PAM: variants seen among roughly 807,000 people sequenced by gnomAD.
The protein encoded by PAM is peptidylglycine alpha-amidating monooxygenase.
In PAM, 72 loss-of-function variants were observed where a neutral mutation model predicts 122.1. The ratio of observed to expected loss-of-function variants is 0.59; its 90% CI spans 0.49 to 0.72. The LOEUF is 0.72. Ranked by LOEUF, PAM falls within the 30% of genes least tolerant of loss-of-function variation. PAM has a pLI of 0.00. For missense variants in PAM, 1,106 were observed against 1,183.7 expected (o/e 0.93, Z 0.96); for synonymous variants, 389 against 404.4 (o/e 0.96, Z 0.46).
chr5:103,018,043 G>C (rs563928970), intron 22 of PAM, among the ~76,000 whole-genome samples: 91 of 152,194 alleles, frequency 6.0e-4, no homozygotes, highest in African/African-American at 2.1e-3. Context: ...TCTCTAAAAA[G>C]CAGACTAACT....
At position 102,866,180 on chromosome 5, in the gene PAM, T is replaced by TCGTATCGGCGTGGA; in HGVS notation, c.-14_-1dup. The TCGTATCGGCGTGGA allele has an allele frequency of 6.3e-7, 1 of 1,589,316 alleles. No individual in the cohort carries two copies. On this transcript the variant is annotated 5_prime_UTR_variant, in exon 2 of 26. Coordinates refer to ENST00000438793, the MANE Select transcript of PAM (RefSeq NM_001177306.2). ...GCTGCCCGGTCCTCTCCCGGCGGGG[T>TCGTATCGGCGTGGA]CGTATCGGCGTGGACATGGCTGGCC... is the stretch of plus-strand genomic sequence containing the variant.
intron 1 of PAM, among the ~76,000 whole-genome samples, chr5:102,800,678 G>A (rs1214622441): frequency 6.6e-6 from 1 of 152,060 alleles, no homozygotes; most frequent in Admixed American, 6.5e-5. Context: ...GGGAGGGAGG[G>A]GGCTACGCTG....
chr5:102,946,704 C>G lies in PAM; in HGVS notation c.527-133C>G, dbSNP rs111976210. ...CTGGATATGAAAGTACTTAGTAAAT[C>G]ATAAAGAACCATACAGATGAAACAT... On this transcript the variant is annotated intron_variant, in intron 7 of 25. Coordinates refer to ENST00000438793, the MANE Select transcript of PAM (RefSeq NM_001177306.2). 6.7e-4 allele frequency: 427 copies of G among 633,828 alleles called. 2 individuals carry two copies. The African/African-American group carries it at 6.9e-3, about 10-fold the overall frequency. 39.3% of individuals were successfully genotyped at this position (633,828 alleles called of 1,614,324 possible). A position where few individuals can be genotyped will look rare whatever the true frequency, so the allele number is the denominator to read the frequency against.
At chr5:102,762,663 C>A (rs1030030609) in intron 1 of PAM, among the ~76,000 whole-genome samples, 1 of 151,972 alleles carries the variant, frequency 6.6e-6, no homozygotes, top group African/African-American at 2.4e-5. Flanking sequence ...GGGAATAAAG[C>A]GGTAACAATG....
Position 103,025,285 on chromosome 5 carries a change from G to T in PAM, c.2640G>T (p.Leu880=). Residue 880 remains leucine, a synonymous_variant, in exon 24 of 26, where the codon CTG becomes CTT. Coordinates refer to ENST00000438793, the MANE Select transcript of PAM (RefSeq NM_001177306.2). ...TTCTGGTTATTCCGGTGGTTGTCCT[G>T]CTGGCCATTGCCATATTTATTCGGT... ...TTLLVIPVVV[L]LAIAIFIRWK... is the part of the protein sequence containing the mutation. The T allele has an allele frequency of 1.2e-6, 2 of 1,613,706 alleles. No individual in the cohort carries two copies. Among genetic ancestry groups the T allele is most frequent in the Non-Finnish European group, 1.7e-6 (2 of 1,179,720 alleles).
At chr5:102,786,148 G>A (rs1290644110) in intron 1 of PAM, among the ~76,000 whole-genome samples, 4 of 152,160 alleles carry the variant, frequency 2.6e-5, no homozygotes, top group African/African-American at 9.7e-5. Flanking sequence ...GAGGACACAA[G>A]CAAGAATACA....
chr5:102,845,920 A>T (rs1185276165), intron 1 of PAM, among the ~76,000 whole-genome samples: 1 of 152,206 alleles, frequency 6.6e-6, no homozygotes, highest in African/African-American at 2.4e-5. Flanking sequence ...TCTATGTTTT[A>T]TCATATACTA....
intron 1 of PAM, among the ~76,000 whole-genome samples, chr5:102,781,405 T>C (rs533706961): frequency 1.3e-4 from 20 of 152,332 alleles, no homozygotes; most frequent in African/African-American, 2.4e-4. Context: ...TTGACATTCA[T>C]GTTAAAGGTT....
At chr5:102,992,779 T>C (rs1774519190) in intron 16 of PAM, among the ~76,000 whole-genome samples, 1 of 152,140 alleles carries the variant, frequency 6.6e-6, no homozygotes, top group South Asian at 2.1e-4. Flanking sequence ...TTAATTTTCC[T>C]TGAAATCTTT....
Position 102,770,901 on chromosome 5 carries a change from C to T in PAM, c.-374+15553C>T, listed in dbSNP as rs79641165. On this transcript the variant is annotated intron_variant, in intron 1 of 25. Coordinates refer to ENST00000438793, the MANE Select transcript of PAM (RefSeq NM_001177306.2). ...GTGTTTTAATAATAGTTAATAATTTCCCCCAAATACTCTCTGTAGTCCATG... is the reference window on the plus strand; with the variant it reads ...GTGTTTTAATAATAGTTAATAATTTTCCCCAAATACTCTCTGTAGTCCATG... 1.3e-3 allele frequency among the ~76,000 whole-genome samples: 195 copies of T among 151,892 alleles called. 3 individuals carry two copies. The East Asian group carries it at 0.035, about 28-fold the overall frequency.
intron 1 of PAM, among the ~76,000 whole-genome samples, chr5:102,822,881 T>C (rs980697484): frequency 1.3e-5 from 2 of 150,346 alleles, no homozygotes; most frequent in Admixed American, 1.3e-4. Flanking sequence ...ATACACAGAC[T>C]CCTGCTACAC....
At chr5:102,766,812 T>A (rs2149717524) in intron 1 of PAM, among the ~76,000 whole-genome samples, 1 of 152,028 alleles carries the variant, frequency 6.6e-6, no homozygotes, top group African/African-American at 2.4e-5. Flanking sequence ...CAAATTTTAA[T>A]AGTACATTCA....
At chr5:103,000,814 G>A (rs970676697) in intron 16 of PAM, among the ~76,000 whole-genome samples, 8 of 152,202 alleles carry the variant, frequency 5.3e-5, no homozygotes, top group Middle Eastern at 3.4e-3. Flanking sequence ...ACAGCAGAAA[G>A]GGGGTAACCA....
chr5:102,784,045 C>T (rs1158379069), intron 1 of PAM, among the ~76,000 whole-genome samples: 1 of 152,164 alleles, frequency 6.6e-6, no homozygotes, highest in Non-Finnish European at 1.5e-5. Flanking sequence ...AGGCGCCCGC[C>T]ACCACGCCCA....
chr5:102,767,375 T>A (rs1241974198), intron 1 of PAM, among the ~76,000 whole-genome samples: 1 of 152,182 alleles, frequency 6.6e-6, no homozygotes, highest in Non-Finnish European at 1.5e-5. Flanking sequence ...CAGATGAGCA[T>A]GCTTTAATCT....
chr5:102,861,475 A>G lies in PAM; in HGVS notation c.-373-4348A>G, dbSNP rs184644741. Among the ~76,000 whole-genome samples the G allele has an allele frequency of 6.6e-4, 100 of 152,284 alleles. 2 individuals are homozygous for G. In the East Asian group the frequency reaches 0.016, roughly 25 times the overall value. On this transcript the variant is annotated intron_variant, in intron 1 of 25. Coordinates refer to ENST00000438793, the MANE Select transcript of PAM (RefSeq NM_001177306.2). The stretch of plus-strand genomic sequence containing the variant: ...CAAAATAGCTAGCCTGTAATCTTCC[A>G]TAGAGTCAAGGTCATAGAAGCTGAA...
At chr5:102,892,602 C>A (rs1339583262) in intron 3 of PAM, among the ~76,000 whole-genome samples, 1 of 151,838 alleles carries the variant, frequency 6.6e-6, no homozygotes, top group African/African-American at 2.4e-5. Context: ...TAAACACTTT[C>A]ATAGCCATAA....
intron 15 of PAM, among the ~76,000 whole-genome samples, chr5:102,982,103 C>T (rs1050347119): frequency 2.0e-5 from 3 of 152,026 alleles, no homozygotes; most frequent in African/African-American, 4.8e-5. Context: ...AGTCCAGACA[C>T]ATTGTCCAGG....
At position 103,007,649 on chromosome 5, in the gene PAM, A is replaced by G. The variant is rs1779434509; in HGVS notation, c.2207A>G (p.Tyr736Cys). The part of the protein sequence containing the change: ...SFGRNVFAIS[Y>C]IPGLLFAVNG... Reference sequence around the variant, plus strand: ...GGAAGAAATGTATTTGCAATTTCATATATACCAGGTATTTCATCTTAATAT... The same window carrying G: ...GGAAGAAATGTATTTGCAATTTCATGTATACCAGGTATTTCATCTTAATAT... The change falls in exon 20 of 26, where the codon TAT (tyrosine) becomes TGT (cysteine). Residue 736 changes from tyrosine to cysteine, a missense_variant. Physicochemically the swap from Tyr to Cys is radical, Grantham distance 194. This residue lies in a region of PAM where 333 missense variants were observed against 335.6 expected (regional missense o/e 0.99). Coordinates refer to ENST00000438793, the MANE Select transcript of PAM (RefSeq NM_001177306.2). The G allele has an allele frequency of 6.3e-7, 1 of 1,575,602 alleles. No individual in the cohort carries two copies. Among genetic ancestry groups the G allele is most frequent in the Non-Finnish European group, 8.7e-7 (1 of 1,145,192 alleles).
Sources: gnomAD v4.1 joint callset for allele counts (sites outside exome capture counted in the v4.1 genomes callset) on GRCh38, gnomAD v4.1.1 for gene constraint, gnomAD v4.1.1 regional missense constraint, MANE v1.5 for transcripts, NCBI Gene and HGNC (gene_info 2026-07-23, HGNC 2026-07-21) for gene names.